OR2M3: variants seen among roughly 807,000 people sequenced by gnomAD.
The protein encoded by OR2M3 is olfactory receptor 2M3.
Under a neutral mutation model 4.3 loss-of-function variants are expected in OR2M3, and 1 was observed. That is an observed-to-expected ratio of 0.23 (90% CI 0.08 to 1.11). The LOEUF (loss-of-function observed/expected upper bound fraction) is 1.11, where lower values mean the gene tolerates loss of function less well. OR2M3 is among the 50% of genes most tolerant of loss of function. OR2M3 has a pLI of 0.54. For synonymous variants in OR2M3, 151 were observed against 139.4 expected (o/e 1.08, Z -0.59); for missense variants, 410 against 390.4 (o/e 1.05, Z -0.42).
rs1666192624 is a variant in OR2M3 at position 248,203,793 on chromosome 1, C to T, written c.726C>T (p.Ser242=). The T allele has an allele frequency of 6.2e-7, 1 of 1,612,736 alleles. No individual in the cohort carries two copies. Among genetic ancestry groups the T allele is most frequent in the Admixed American group, 1.7e-5 (1 of 59,970 alleles). The change falls in exon 2 of 2, where the codon TCC becomes TCT. Residue 242 remains serine (S), a synonymous_variant. Transcript: ENST00000641626. ...EGRRKAFTTC[S]SHLLVVGMYY... is the part of the protein sequence containing the mutation. ...GTCGCAAAGCTTTTACTACTTGTTC[C>T]TCTCACCTCTTGGTGGTGGGAATGT...
In OR2M3 at chr1:248,212,642, A is replaced by G. The variant is rs1348691277; in HGVS notation, c.*8636A>G. The G allele has an allele frequency of 6.6e-6, 1 of 152,098 alleles. No homozygotes were observed. Among genetic ancestry groups the G allele is most frequent in the Non-Finnish European group, 1.5e-5 (1 of 67,964 alleles). 9.4% of individuals were successfully genotyped at this position (152,098 alleles called of 1,614,324 possible). On this transcript the variant is annotated 3_prime_UTR_variant, in exon 2 of 2. Coordinates refer to ENST00000641626, the MANE Select transcript of OR2M3 (RefSeq NM_001004689.2). ...CCAAAAGTTATTGTTTTATAATTTT[A>G]AACATAATTTTTTTCTAAGTTAATT...
chr1:248,204,906 G>A lies in OR2M3; in HGVS notation c.*900G>A, dbSNP rs553874105. ...GAACTAGTTTGCATTCCCACCAGCA[G>A]TGTAAAAGTTCCCTTTTGACCGCAT... On this transcript the variant is annotated 3_prime_UTR_variant, in exon 2 of 2. Transcript: ENST00000641626. 1 of 152,026 alleles carries A rather than the reference G, an allele frequency of 6.6e-6. No individual in the cohort carries two copies. The highest frequency in any genetic ancestry group is 1.9e-4 in the East Asian group (1 of 5,198). 9.4% of individuals were successfully genotyped at this position (152,026 alleles called of 1,614,324 possible). A position where few individuals can be genotyped will look rare whatever the true frequency, so the allele number is the denominator to read the frequency against.
In OR2M3 at chr1:248,211,283, A is replaced by G. The variant is rs1272741013; in HGVS notation, c.*7277A>G. Reference sequence around the variant, plus strand: ...CCATCACAAAAAGTTAACTTTTATTATGGGATCCCAGATCCAAATTTCTTT... The same window carrying G: ...CCATCACAAAAAGTTAACTTTTATTGTGGGATCCCAGATCCAAATTTCTTT... On this transcript the variant is annotated 3_prime_UTR_variant, in exon 2 of 2. Transcript: ENST00000641626. The G allele has an allele frequency of 6.6e-6, 1 of 152,104 alleles. No homozygotes were observed. Among genetic ancestry groups the G allele is most frequent in the Non-Finnish European group, 1.5e-5 (1 of 68,002 alleles). The allele number at this position is 152,104 out of a possible 1,614,324, so 9.4% of individuals were successfully genotyped here. A position where few individuals can be genotyped will look rare whatever the true frequency, so the allele number is the denominator to read the frequency against.
rs1265400351 is a variant in OR2M3, at chr1:248,208,605, C to G, written c.*4599C>G. The G allele has an allele frequency of 6.6e-6, 1 of 152,132 alleles. No individual in the cohort carries two copies. The highest frequency in any genetic ancestry group is 2.4e-5 in the African/African-American group (1 of 41,436). 9.4% of individuals were successfully genotyped at this position (152,132 alleles called of 1,614,324 possible). On this transcript the variant is annotated 3_prime_UTR_variant, in exon 2 of 2. Coordinates refer to ENST00000641626, the MANE Select transcript of OR2M3 (RefSeq NM_001004689.2). The stretch of plus-strand genomic sequence containing the variant: ...GCATAGCTTCGCTGGATACAAAATT[C>G]TTAGCTAATAATTATTTTATTTAAG...
intron 1 of OR2M3, 92 bp from the exon 2 acceptor site, chr1:248,202,958 A>G: frequency 9.0e-7 from 1 of 1,107,624 alleles, no homozygotes; most frequent in South Asian, 1.5e-5. Context: ...TGCTGTATTG[A>G]TCACCCAACT....
chr1:248,201,666 A>T (rs1050584722), intron 1 of OR2M3, among the ~76,000 whole-genome samples: 1 of 148,638 alleles, frequency 6.7e-6, no homozygotes, highest in Non-Finnish European at 1.5e-5. Context: ...TCATTATTCA[A>T]TTCCCATCTA....
intron 1 of OR2M3, among the ~76,000 whole-genome samples, chr1:248,202,364 T>A (rs1666167536): frequency 6.6e-6 from 1 of 152,146 alleles, no homozygotes; most frequent in African/African-American, 2.4e-5. Context: ...TCTAATCCAA[T>A]ATGATCTCAC....
In OR2M3 at chr1:248,209,020, G is replaced by GA. The variant is rs1553297026; in HGVS notation, c.*5014_*5015insA. The GA allele has an allele frequency of 1.3e-5, 2 of 151,664 alleles. No individual in the cohort carries two copies. Among genetic ancestry groups the GA allele is most frequent in the Non-Finnish European group, 2.9e-5 (2 of 67,880 alleles). The allele number at this position is 151,664 out of a possible 1,614,324, so 9.4% of individuals were successfully genotyped here. On this transcript the variant is annotated 3_prime_UTR_variant, in exon 2 of 2. Transcript: ENST00000641626. Reference sequence around the variant, plus strand: ...AACTTCTTGGAGGCTTTGTTTTTAGGTTTTTTTTCTTGTCTTGAATGAACT... The same window carrying GA: ...AACTTCTTGGAGGCTTTGTTTTTAGGATTTTTTTTCTTGTCTTGAATGAACT...
In OR2M3 at chr1:248,198,427, C is replaced by A. The variant is rs142001907; in HGVS notation, c.-19+1126C>A. ...CCATCGTTAGTGCACATGCAGGTTG[C>A]ATTTTTATATTACATATAAAGTTGC... On this transcript the variant is annotated intron_variant, in intron 1 of 1. Coordinates refer to ENST00000641626, the MANE Select transcript of OR2M3 (RefSeq NM_001004689.2). 2.2e-4 allele frequency among the ~76,000 whole-genome samples: 34 copies of A among 152,230 alleles called. No homozygotes were observed. The East Asian group carries it at 6.2e-3, about 28-fold the overall frequency.
Position 248,204,156 on chromosome 1 carries a change from A to G in OR2M3, c.*150A>G. On this transcript the variant is annotated 3_prime_UTR_variant, in exon 2 of 2. Coordinates refer to ENST00000641626, the MANE Select transcript of OR2M3 (RefSeq NM_001004689.2). ...CACCTATATAATTTATTTCAGATAA[A>G]CTATTATAACTATTTATTATTTTAT... The G allele has an allele frequency of 1.7e-6, 1 of 577,332 alleles. No homozygotes were observed. Among genetic ancestry groups the G allele is most frequent in the Non-Finnish European group, 2.9e-6 (1 of 342,490 alleles). 35.8% of individuals were successfully genotyped at this position (577,332 alleles called of 1,614,324 possible). A position where few individuals can be genotyped will look rare whatever the true frequency, so the allele number is the denominator to read the frequency against.
chr1:248,209,039 AT>A lies in OR2M3; in HGVS notation c.*5034del, dbSNP rs937533805. On this transcript the variant is annotated 3_prime_UTR_variant, in exon 2 of 2. Coordinates refer to ENST00000641626, the MANE Select transcript of OR2M3 (RefSeq NM_001004689.2). ...TTTTAGGTTTTTTTTCTTGTCTTGA[AT>A]GAACTGGGTTAATTTGAAAGCCTTG... 7.2e-5 allele frequency: 11 copies of A among 152,096 alleles called. No individual in the cohort carries two copies. Among genetic ancestry groups the A allele is most frequent in the African/African-American group, 2.4e-4 (10 of 41,424 alleles). 9.4% of individuals were successfully genotyped at this position (152,096 alleles called of 1,614,324 possible). A position where few individuals can be genotyped will look rare whatever the true frequency, so the allele number is the denominator to read the frequency against.
chr1:248,198,627 G>A (rs1666123315), intron 1 of OR2M3, among the ~76,000 whole-genome samples: 1 of 152,090 alleles, frequency 6.6e-6, no homozygotes, highest in African/African-American at 2.4e-5. Flanking sequence ...GCCACTCAGT[G>A]TCTCTTTTCC....
chr1:248,202,426 A>G (rs1666168016), intron 1 of OR2M3, among the ~76,000 whole-genome samples: 1 of 152,184 alleles, frequency 6.6e-6, no homozygotes, highest in Non-Finnish European at 1.5e-5. Context: ...CATGCTGAGT[A>G]TCTTTTTGGG....
intron 1 of OR2M3, among the ~76,000 whole-genome samples, chr1:248,201,710 C>A (rs1666159865): frequency 6.6e-6 from 1 of 151,494 alleles, no homozygotes; most frequent in Non-Finnish European, 1.5e-5. Flanking sequence ...GTTTTTTGTC[C>A]TTGCGATAGT....
chr1:248,206,931 G>A lies in OR2M3; in HGVS notation c.*2925G>A, dbSNP rs1210671663. ...TCTGATAGAATTCAGCTGTGAATCTGTCTGGTCCTGGACTTTTTTTTGGCA... is the reference window on the plus strand; with the variant it reads ...TCTGATAGAATTCAGCTGTGAATCTATCTGGTCCTGGACTTTTTTTTGGCA... On this transcript the variant is annotated 3_prime_UTR_variant, in exon 2 of 2. Transcript: ENST00000641626. 1.3e-5 allele frequency: 2 copies of A among 151,852 alleles called. No individual in the cohort carries two copies. The highest frequency in any genetic ancestry group is 4.8e-5 in the African/African-American group (2 of 41,384). 9.4% of individuals were successfully genotyped at this position (151,852 alleles called of 1,614,324 possible). A position where few individuals can be genotyped will look rare whatever the true frequency, so the allele number is the denominator to read the frequency against.
At position 248,206,455 on chromosome 1, in the gene OR2M3, T is replaced by G. The variant is rs1666224977; in HGVS notation, c.*2449T>G. The G allele has an allele frequency of 6.6e-6, 1 of 152,046 alleles. No homozygotes were observed. The highest frequency in any genetic ancestry group is 2.4e-5 in the African/African-American group (1 of 41,398). The allele number at this position is 152,046 out of a possible 1,614,324, so 9.4% of individuals were successfully genotyped here. On this transcript the variant is annotated 3_prime_UTR_variant, in exon 2 of 2. Transcript: ENST00000641626. Reference sequence around the variant, plus strand: ...GTGGATTTCTCATAGAAGGCTTTGATTACCTTAACGTCACCTCTATGTCCC... The same window carrying G: ...GTGGATTTCTCATAGAAGGCTTTGAGTACCTTAACGTCACCTCTATGTCCC...
In OR2M3 at chr1:248,204,112, G is replaced by A. The variant is rs953720203; in HGVS notation, c.*106G>A. The stretch of plus-strand genomic sequence containing the variant: ...TGGGATTCATTGTGTACATAAATCT[G>A]CAATGACATATTTATGTGCACCTAT... On this transcript the variant is annotated 3_prime_UTR_variant, in exon 2 of 2. Transcript: ENST00000641626. 1.8e-5 allele frequency: 19 copies of A among 1,042,842 alleles called. No homozygotes were observed. The African/African-American group carries it at 2.4e-4, about 13-fold the overall frequency. The allele number at this position is 1,042,842 out of a possible 1,614,324, so 64.6% of individuals were successfully genotyped here.
chr1:248,199,966 C>A (rs1666137722), intron 1 of OR2M3, among the ~76,000 whole-genome samples: 1 of 152,044 alleles, frequency 6.6e-6, no homozygotes, highest in African/African-American at 2.4e-5. Context: ...CTTCATGATT[C>A]AGTGGAGTTT....
In OR2M3 at chr1:248,206,236, C is replaced by T. The variant is rs1234242150; in HGVS notation, c.*2230C>T. ...GGGTTTTCTATGTATTCCATCGTAT[C>T]ATCAGCAAACAGCGACAGTTTTCCT... is the stretch of plus-strand genomic sequence containing the variant. On this transcript the variant is annotated 3_prime_UTR_variant, in exon 2 of 2. Coordinates refer to ENST00000641626, the MANE Select transcript of OR2M3 (RefSeq NM_001004689.2). The T allele has an allele frequency of 6.6e-6, 1 of 152,072 alleles. No homozygotes were observed. The highest frequency in any genetic ancestry group is 1.5e-5 in the Non-Finnish European group (1 of 67,952). The allele number at this position is 152,072 out of a possible 1,614,324, so 9.4% of individuals were successfully genotyped here.
Sources: allele counts gnomAD v4.1 joint callset (sites outside exome capture counted in the v4.1 genomes callset), GRCh38; gene constraint gnomAD v4.1.1; transcripts MANE v1.5; gene names NCBI Gene and HGNC (gene_info 2026-07-23, HGNC 2026-07-21).